COL13A1: variants seen among roughly 807,000 people sequenced by gnomAD.
COL13A1 encodes the protein collagen type XIII alpha 1 chain, also known as collagen alpha-1(XIII) chain.
In COL13A1, 89 loss-of-function variants were observed where a neutral mutation model predicts 130.9. The ratio of observed to expected loss-of-function variants is 0.68; its 90% CI spans 0.57 to 0.81. The LOEUF (loss-of-function observed/expected upper bound fraction) is 0.81, where lower values mean the gene tolerates loss of function less well. Ranked by LOEUF, COL13A1 falls within the 30% of genes least tolerant of loss-of-function variation. The pLI, the probability that COL13A1 is intolerant of heterozygous loss-of-function variation, is 0.00. For synonymous variants in COL13A1, 402 were observed against 341.6 expected, an observed-to-expected ratio of 1.18 and a Z score of -1.95; for missense variants, 879 against 934.6, an observed-to-expected ratio of 0.94 and a Z score of 0.78.
At chr10:69,922,328 A>G (rs1029218477) in intron 22 of COL13A1, among the ~76,000 whole-genome samples, 3 of 152,174 alleles carry the variant, frequency 2.0e-5, no homozygotes, top group African/African-American at 7.2e-5. Context: ...AGCCTGTTAG[A>G]GGCCTGAGCA....
At position 69,880,067 on chromosome 10, in the gene COL13A1, CGGGGAGAGACTCAGGCCT is replaced by C. The variant is rs1189337491; in HGVS notation, c.463-432_463-415del. On this transcript the variant is annotated intron_variant, in intron 6 of 40. Coordinates refer to ENST00000645393, the MANE Select transcript of COL13A1 (RefSeq NM_001368882.1). ...AGCTGGAAAGCATCCTGGGCTGGGC[CGGGGAGAGACTCAGGCCT>C]GGGCAGCCTTGCTAAGTCTCCCCTC... Among the ~76,000 whole-genome samples the C allele has an allele frequency of 3.3e-5, 5 of 152,000 alleles. No individual in the cohort carries two copies. The East Asian group carries it at 7.7e-4, about 23-fold the overall frequency.
intron 17 of COL13A1, among the ~76,000 whole-genome samples, chr10:69,909,118 G>A (rs2063092308): frequency 6.6e-6 from 1 of 152,202 alleles, no homozygotes; most frequent in South Asian, 2.1e-4. Flanking sequence ...CCTTAAGAGA[G>A]GAGCAGCTCT....
intron 13 of COL13A1, 139 bp from the exon 14 acceptor site, chr10:69,898,558 C>T (rs373073206): frequency 4.9e-5 from 31 of 634,580 alleles, no homozygotes; most frequent in Non-Finnish European, 8.0e-5. Context: ...TCCTCATGTG[C>T]ACGCTAATCT....
In COL13A1 at chr10:69,918,289, C is replaced by T. The variant is rs191741850; in HGVS notation, c.971C>T (p.Ala324Val). The change falls in exon 19 of 41, where the codon GCG (alanine) becomes GTG (valine). Residue 324 changes from alanine (A) to valine (V), a missense_variant. Ala to Val is a moderately conservative substitution (Grantham distance 64, BLOSUM62 0). Coordinates refer to ENST00000645393, the MANE Select transcript of COL13A1 (RefSeq NM_001368882.1). Reference sequence around the variant, plus strand: ...TTTTTTTTCTCTCTCTGCCAGGGGGCGCCCGGAATTGCCGTGGCTGGGATG... The same window carrying T: ...TTTTTTTTCTCTCTCTGCCAGGGGGTGCCCGGAATTGCCGTGGCTGGGATG... ...GMPGKHGAKG[A>V]PGIAVAGMKG... 49 of 1,612,612 alleles carry T rather than the reference C, an allele frequency of 3.0e-5. No homozygotes were observed. In the Admixed American group the frequency reaches 3.3e-4, roughly 11 times the overall value.
chr10:69,924,830 G>A, intron 24 of COL13A1, 133 bp from the exon 25 acceptor site: 1 of 802,470 alleles, frequency 1.2e-6, no homozygotes, highest in Non-Finnish European at 1.8e-6. Context: ...TTTCCTGAAG[G>A]GGTGGAACCT....
intron 2 of COL13A1, among the ~76,000 whole-genome samples, chr10:69,824,969 T>C (rs1589261414): frequency 1.3e-5 from 2 of 152,104 alleles, no homozygotes; most frequent in African/African-American, 4.8e-5. Flanking sequence ...CAAAATCTCC[T>C]AGGATGGGCT....
intron 1 of COL13A1, among the ~76,000 whole-genome samples, chr10:69,821,300 T>A (rs913601958): frequency 6.6e-6 from 1 of 152,226 alleles, no homozygotes; most frequent in Non-Finnish European, 1.5e-5. Flanking sequence ...CTGAAAGGCC[T>A]ATTTGGCCCT....
intron 3 of COL13A1, among the ~76,000 whole-genome samples, 154 bp downstream of exon 3, chr10:69,867,959 G>C (rs986819526): frequency 6.6e-6 from 1 of 152,106 alleles, no homozygotes; most frequent in Non-Finnish European, 1.5e-5. Context: ...TGCCTCTTGT[G>C]GGGAGGAGGC....
chr10:69,860,295 T>A (rs981716578), intron 2 of COL13A1, among the ~76,000 whole-genome samples: 1 of 152,180 alleles, frequency 6.6e-6, no homozygotes, highest in Non-Finnish European at 1.5e-5. Flanking sequence ...GGACAGCGGG[T>A]GACCTTTACA....
At chr10:69,866,894 G>A (rs1389891967) in intron 2 of COL13A1, among the ~76,000 whole-genome samples, 2 of 152,152 alleles carry the variant, frequency 1.3e-5, no homozygotes, top group Non-Finnish European at 2.9e-5. Context: ...AGTTAACGTG[G>A]CCAGGGCACT....
chr10:69,838,062 C>T (rs1850573247), intron 2 of COL13A1, among the ~76,000 whole-genome samples: 1 of 152,216 alleles, frequency 6.6e-6, no homozygotes, highest in African/African-American at 2.4e-5. Context: ...GTTGGTCACC[C>T]CTGGACATTC....
At position 69,945,670 on chromosome 10, in the gene COL13A1, G is replaced by C; in HGVS notation, c.1969-1G>C. On this transcript the variant is annotated splice_acceptor_variant, in intron 36 of 40. Coordinates refer to ENST00000645393, the MANE Select transcript of COL13A1 (RefSeq NM_001368882.1). LOFTEE classifies it high-confidence loss of function. ...TCATGCATTTCTTTCTCCCATTTCA[G>C]GGCAGCAAAGGAGACCCTGGGATGA... 6.2e-7 allele frequency: 1 copy of C among 1,612,588 alleles called. No individual in the cohort carries two copies. Among genetic ancestry groups the C allele is most frequent in the African/African-American group, 1.3e-5 (1 of 75,018 alleles).
At chr10:69,807,635 G>A (rs924023287) in intron 1 of COL13A1, among the ~76,000 whole-genome samples, 14 of 152,174 alleles carry the variant, frequency 9.2e-5, no homozygotes, top group Non-Finnish European at 1.8e-4. Context: ...TCTTAAAGGG[G>A]ATGTACATGT....
intron 1 of COL13A1, among the ~76,000 whole-genome samples, chr10:69,819,030 C>T (rs902597985): frequency 1.3e-5 from 2 of 152,260 alleles, no homozygotes; most frequent in Non-Finnish European, 2.9e-5. Flanking sequence ...GCTTCTCCCA[C>T]ACCAAGCTCA....
chr10:69,838,594 C>A (rs1850735581), intron 2 of COL13A1, among the ~76,000 whole-genome samples: 1 of 152,256 alleles, frequency 6.6e-6, no homozygotes, highest in Admixed American at 6.5e-5. Flanking sequence ...ACCCACATTG[C>A]CCTTCCTCCT....
At chr10:69,803,288 T>G (rs918809697) in intron 1 of COL13A1, among the ~76,000 whole-genome samples, 3 of 152,260 alleles carry the variant, frequency 2.0e-5, no homozygotes, top group African/African-American at 7.2e-5. Flanking sequence ...TGGCCACAAA[T>G]TAGTCCACAC....
At chr10:69,945,637 G>A in intron 36 of COL13A1, 34 bp from the exon 37 acceptor site, 1 of 1,606,444 alleles carries the variant, frequency 6.2e-7, no homozygotes, top group South Asian at 1.1e-5. Context: ...TACCGTGTCT[G>A]GCAGGATTCA....
At chr10:69,932,120 G>C (rs1309122431) in intron 30 of COL13A1, among the ~76,000 whole-genome samples, 3 of 152,046 alleles carry the variant, frequency 2.0e-5, no homozygotes, top group African/African-American at 7.2e-5. Flanking sequence ...CAGCAGTAGG[G>C]TCTCTCTAGT....
At position 69,943,655 on chromosome 10, in the gene COL13A1, C is replaced by T. The variant is rs3793816; in HGVS notation, c.1915-470C>T. Among the ~76,000 whole-genome samples the T allele has an allele frequency of 3.2e-4, 49 of 152,238 alleles. No homozygotes were observed. In the East Asian group the frequency reaches 8.5e-3, roughly 26 times the overall value. On this transcript the variant is annotated intron_variant, in intron 35 of 40. Coordinates refer to ENST00000645393, the MANE Select transcript of COL13A1 (RefSeq NM_001368882.1). Reference sequence around the variant, plus strand: ...CCAGGGCTGTGGGTCTGCGGTGGGCCGGTGGGGTGGGTGTTGGCTGAACAA... The same window carrying T: ...CCAGGGCTGTGGGTCTGCGGTGGGCTGGTGGGGTGGGTGTTGGCTGAACAA...
Sources: gnomAD v4.1 joint callset for allele counts (sites outside exome capture counted in the v4.1 genomes callset) on GRCh38, gnomAD v4.1.1 for gene constraint, MANE v1.5 for transcripts, NCBI Gene and HGNC (gene_info 2026-07-23, HGNC 2026-07-21) for gene names.